ANKFN1: variants seen among roughly 807,000 people sequenced by gnomAD.
ANKFN1 encodes ankyrin repeat and fibronectin type-III domain-containing protein 1.
In ANKFN1, 74 loss-of-function variants were observed where a neutral mutation model predicts 108.7. The observed-to-expected ratio is 0.68, with a 90% CI of 0.56 to 0.83. The LOEUF is 0.83. Among genes scored for constraint, ANKFN1 ranks in the 40% least tolerant of loss-of-function variants. The probability of loss-of-function intolerance (pLI) is 0.00; values close to 1 mark genes in which losing one functional copy is unlikely to be tolerated. For synonymous variants in ANKFN1, 547 were observed against 516.2 expected (o/e 1.06, Z -0.81); for missense variants, 1,505 against 1,382.3 (o/e 1.09, Z -1.41).
chr17:56,396,448 C>CA (rs200605377), intron 8 of ANKFN1, among the ~76,000 whole-genome samples: 21 of 149,918 alleles, frequency 1.4e-4, no homozygotes, highest in Non-Finnish European at 2.2e-4. Context: ...ACTTCGTCTG[C>CA]AAAAAAAAAG....
At chr17:56,368,195 C>A (rs2046709669) in intron 6 of ANKFN1, 3 of 1,299,320 alleles carry the variant, frequency 2.3e-6, no homozygotes, top group Non-Finnish European at 3.0e-6. Flanking sequence ...GATCAGCATA[C>A]ACAAATTACA....
chr17:56,233,148 T>C (rs1916860277), intron 3 of ANKFN1, among the ~76,000 whole-genome samples: 1 of 152,110 alleles, frequency 6.6e-6, no homozygotes, highest in South Asian at 2.1e-4. Flanking sequence ...ATAGTAGTAA[T>C]AGTTGTATTG....
At chr17:56,377,274 T>A (rs543410398) in intron 8 of ANKFN1, among the ~76,000 whole-genome samples, 2 of 152,322 alleles carry the variant, frequency 1.3e-5, no homozygotes, top group East Asian at 3.9e-4. Context: ...CCCATCAACA[T>A]ATTGTTTTAT....
rs569946501 is a variant in ANKFN1, at chr17:56,181,115, G to A, written c.-71+27585G>A. On this transcript the variant is annotated intron_variant, in intron 1 of 20. Transcript: ENST00000682825. ...TGTTTGAGTCTAGGGAATGAGTGATGCTCTTTGTTATTAGAAAAGTAATGT... is the reference window on the plus strand; with the variant it reads ...TGTTTGAGTCTAGGGAATGAGTGATACTCTTTGTTATTAGAAAAGTAATGT... 3.3e-5 allele frequency among the ~76,000 whole-genome samples: 5 copies of A among 152,278 alleles called. No individual in the cohort carries two copies. In the South Asian group the frequency reaches 1.0e-3, roughly 32 times the overall value.
chr17:56,224,926 C>T (rs1223027384), intron 2 of ANKFN1: 1 of 152,304 alleles, frequency 6.6e-6, no homozygotes, highest in Admixed American at 6.5e-5. Context: ...GGAGGGTAAC[C>T]TGCTGGCCAT....
At position 56,332,979 on chromosome 17, in the gene ANKFN1, G is replaced by GTGTATA. The variant is rs570574404; in HGVS notation, c.188+6625_188+6626insGTATAT. On this transcript the variant is annotated intron_variant, in intron 4 of 20. Transcript: ENST00000682825. The stretch of plus-strand genomic sequence containing the variant: ...ATGAACAAGGTGTGTATATATGTGT[G>GTGTATA]TATATATATATATATATATATCTTC... Among the ~76,000 whole-genome samples, 548 of 147,786 alleles carry GTGTATA rather than the reference G, an allele frequency of 3.7e-3. 7 individuals carry two copies. In the East Asian group the frequency reaches 0.047, roughly 13 times the overall value.
chr17:56,455,464 G>C (rs1263425376), intron 11 of ANKFN1, among the ~76,000 whole-genome samples: 1 of 152,194 alleles, frequency 6.6e-6, no homozygotes, highest in Non-Finnish European at 1.5e-5. Flanking sequence ...TCAGTCAGCT[G>C]TTCCTATATA....
chr17:56,095,418 AG>A (rs1905515198), intron 4 of ANKFN1, among the ~76,000 whole-genome samples: 2 of 150,782 alleles, frequency 1.3e-5, no homozygotes, highest in South Asian at 4.2e-4. Flanking sequence ...CAGCCTCTCA[AG>A]TATCTGGAAC....
At chr17:56,324,441 G>C (rs1007653941) in intron 3 of ANKFN1, among the ~76,000 whole-genome samples, 8 of 152,030 alleles carry the variant, frequency 5.3e-5, no homozygotes, top group African/African-American at 1.9e-4. Flanking sequence ...ATTATCAGTG[G>C]CACTCTCCCC....
Position 56,495,913 on chromosome 17 carries a change from A to C in ANKFN1, c.2428-2969A>C, listed in dbSNP as rs1020758745. On this transcript the variant is annotated intron_variant, in intron 19 of 20. Coordinates refer to ENST00000682825, the MANE Select transcript of ANKFN1 (RefSeq NM_001370326.1). ...AGAAAGGAATATAATTTACGAGATG[A>C]AAACTGAAATTTTTAAGGGGCAGGG... 7.2e-5 allele frequency among the ~76,000 whole-genome samples: 11 copies of C among 152,132 alleles called. No homozygotes were observed. In the East Asian group the frequency reaches 1.7e-3, roughly 24 times the overall value.
intron 8 of ANKFN1, among the ~76,000 whole-genome samples, chr17:56,436,296 C>G (rs1393442474): frequency 6.6e-6 from 1 of 152,162 alleles, no homozygotes; most frequent in Non-Finnish European, 1.5e-5. Context: ...TAGGTTTTGT[C>G]GAATACCTTT....
intron 4 of ANKFN1, among the ~76,000 whole-genome samples, chr17:56,098,124 A>G (rs1277268724): frequency 1.2e-4 from 18 of 152,120 alleles, no homozygotes; most frequent in Admixed American, 1.2e-3. Flanking sequence ...GAGTGATGCA[A>G]TCACAAGTCA....
chr17:56,314,239 G>C (rs552340087), intron 3 of ANKFN1, among the ~76,000 whole-genome samples: 8 of 152,124 alleles, frequency 5.3e-5, no homozygotes, highest in Non-Finnish European at 1.0e-4. Context: ...CTATATTCTT[G>C]TGTAATTCTT....
At chr17:56,292,655 C>T (rs1387883977) in intron 3 of ANKFN1, among the ~76,000 whole-genome samples, 4 of 152,130 alleles carry the variant, frequency 2.6e-5, no homozygotes, top group Non-Finnish European at 5.9e-5. Flanking sequence ...AGTTAACATC[C>T]ACATTCCCTT....
At chr17:56,468,602 T>C (rs973887962) in intron 15 of ANKFN1, among the ~76,000 whole-genome samples, 5 of 150,160 alleles carry the variant, frequency 3.3e-5, no homozygotes, top group Non-Finnish European at 7.4e-5. Flanking sequence ...CCTTCCGTCC[T>C]GGGAGCCATC....
rs548913612 is a variant in ANKFN1, at chr17:56,078,593, T to C, written c.288+32268T>C. Among the ~76,000 whole-genome samples the C allele has an allele frequency of 5.3e-5, 8 of 152,346 alleles. No individual in the cohort carries two copies. In the South Asian group the frequency reaches 1.7e-3, roughly 32 times the overall value. On this transcript the variant is annotated intron_variant, in intron 4 of 12. Transcript: ENST00000635860. ...TCAGATTGCTGGGTAATTATTCCAC[T>C]ATACTGAATGCAGAACTCCAGAAAT...
chr17:56,456,666 G>A (rs1296540634), intron 11 of ANKFN1, among the ~76,000 whole-genome samples, 195 bp from the exon 12 acceptor site: 1 of 151,886 alleles, frequency 6.6e-6, no homozygotes, highest in Admixed American at 6.6e-5. Context: ...AAAGTACTGG[G>A]ATTACCAGCG....
intron 3 of ANKFN1, among the ~76,000 whole-genome samples, chr17:56,231,429 A>G (rs1418917809): frequency 6.6e-6 from 1 of 152,170 alleles, no homozygotes; most frequent in African/African-American, 2.4e-5. Flanking sequence ...TTATGTAGGC[A>G]AGAGTGATTT....
intron 4 of ANKFN1, among the ~76,000 whole-genome samples, chr17:56,100,993 C>A (rs1905636039): frequency 6.6e-6 from 1 of 151,978 alleles, no homozygotes; most frequent in African/African-American, 2.4e-5. Flanking sequence ...GAGGTAGGGC[C>A]TTTGGGACGT....
Sources: gnomAD v4.1 joint callset for allele counts (sites outside exome capture counted in the v4.1 genomes callset) on GRCh38, gnomAD v4.1.1 for gene constraint, MANE v1.5 for transcripts, NCBI Gene and HGNC (gene_info 2026-07-23, HGNC 2026-07-21) for gene names.